MCTP1: variants seen among roughly 807,000 people sequenced by gnomAD.
MCTP1 encodes the protein multiple C2 and transmembrane domain-containing protein 1.
MCTP1 carries 69 observed loss-of-function variants against 120.6 expected under a neutral mutation model. That is an observed-to-expected ratio of 0.57 (90% CI 0.47 to 0.70). The LOEUF (loss-of-function observed/expected upper bound fraction) is 0.70. Among genes scored for constraint, MCTP1 ranks in the 30% least tolerant of loss-of-function variants. The pLI is 0.00. For missense variants in MCTP1, 1,203 were observed against 1,248.8 expected (o/e 0.96, Z 0.55); for synonymous variants, 529 against 493.1 (o/e 1.07, Z -0.96).
At chr5:94,944,589 T>A (rs1355248396) in intron 3 of MCTP1, among the ~76,000 whole-genome samples, 1 of 152,166 alleles carries the variant, frequency 6.6e-6, no homozygotes. Flanking sequence ...GAGCTGTGAA[T>A]CCAGTGAATT....
chr5:94,741,925 G>T (rs1412846991), intron 19 of MCTP1, among the ~76,000 whole-genome samples: 1 of 152,162 alleles, frequency 6.6e-6, no homozygotes. Context: ...ATTTCTTAGG[G>T]TTGTTAGATG....
intron 19 of MCTP1, among the ~76,000 whole-genome samples, chr5:94,733,306 G>A (rs1763483423): frequency 6.6e-6 from 1 of 152,166 alleles, no homozygotes; most frequent in South Asian, 2.1e-4. Context: ...AAAGGTTTGT[G>A]GCTTTAGGCA....
intron 17 of MCTP1, among the ~76,000 whole-genome samples, chr5:94,830,602 T>C (rs1341855286): frequency 6.6e-6 from 1 of 152,206 alleles, no homozygotes; most frequent in Non-Finnish European, 1.5e-5. Flanking sequence ...GCTATATAAC[T>C]GTGGGTTTCT....
Position 94,955,816 on chromosome 5 carries a change from G to A in MCTP1, c.839-2455C>T, listed in dbSNP as rs76794516. On this transcript the variant is annotated intron_variant, in intron 2 of 22. Transcript: ENST00000515393. The stretch of plus-strand genomic sequence containing the variant: ...TTCTCCCTGGGACAGAGCACCTGGG[G>A]GAAGGGGTAGCTGTGGGTACAGCAT... Among the ~76,000 whole-genome samples the A allele has an allele frequency of 5.0e-3, 756 of 152,322 alleles. 7 individuals carry two copies. The highest frequency in any genetic ancestry group is 0.017 in the African/African-American group (703 of 41,566).
intron 19 of MCTP1, among the ~76,000 whole-genome samples, chr5:94,740,237 C>T (rs530568845): frequency 2.0e-5 from 3 of 152,296 alleles, no homozygotes; most frequent in Admixed American, 2.0e-4. Context: ...GCTGCATACT[C>T]TTACAATAAA....
intron 17 of MCTP1, among the ~76,000 whole-genome samples, chr5:94,836,630 G>A (rs1185716136): frequency 1.3e-5 from 2 of 152,194 alleles, no homozygotes; most frequent in African/African-American, 4.8e-5. Flanking sequence ...TTCACAGTCT[G>A]AGCCTTTGTC....
intron 1 of MCTP1, among the ~76,000 whole-genome samples, chr5:95,183,464 C>T (rs1009781271): frequency 6.6e-6 from 1 of 151,418 alleles, no homozygotes; most frequent in African/African-American, 2.4e-5. Flanking sequence ...GAAGGAAAAA[C>T]AATACACTGC....
chr5:95,132,667 C>G (rs939499067), intron 1 of MCTP1, among the ~76,000 whole-genome samples: 40 of 152,206 alleles, frequency 2.6e-4, no homozygotes, highest in Admixed American at 2.2e-3. Context: ...TGTCCCCCCA[C>G]TGTCCCTCCT....
intron 19 of MCTP1, among the ~76,000 whole-genome samples, chr5:94,769,090 T>C (rs949168034): frequency 2.6e-5 from 4 of 152,086 alleles, no homozygotes; most frequent in African/African-American, 7.2e-5. Context: ...CTTGCAGCAA[T>C]GTGGGTGGGA....
At chr5:95,262,456 G>GAGGAAAT (rs1418483959) in intron 1 of MCTP1, among the ~76,000 whole-genome samples, 9 of 152,244 alleles carry the variant, frequency 5.9e-5, no homozygotes, top group Admixed American at 5.9e-4. Context: ...TAGGAAATGT[G>GAGGAAAT]AGGAAATCAG....
intron 20 of MCTP1, among the ~76,000 whole-genome samples, chr5:94,713,864 CAAATTCTATGTATGCCCAAGGATTCA>C (rs1287713343): frequency 2.0e-5 from 3 of 152,120 alleles, no homozygotes; most frequent in Non-Finnish European, 4.4e-5. Context: ...TTACTCCTTT[CAAATTCTATGTATGCCCAAGGATTCA>C]AATCTGTAGA....
At chr5:95,032,449 A>G (rs1250448372) in intron 1 of MCTP1, among the ~76,000 whole-genome samples, 1 of 152,142 alleles carries the variant, frequency 6.6e-6, no homozygotes, top group Non-Finnish European at 1.5e-5. Flanking sequence ...TCAAAACCAT[A>G]CAAGTACACG....
intron 17 of MCTP1, among the ~76,000 whole-genome samples, chr5:94,861,428 T>C (rs1795762204): frequency 1.3e-5 from 2 of 151,866 alleles, no homozygotes; most frequent in Non-Finnish European, 1.5e-5. Flanking sequence ...TCTTAATTTT[T>C]ACCTGATAGA....
At chr5:95,118,458 T>C (rs1246284517) in intron 1 of MCTP1, among the ~76,000 whole-genome samples, 2 of 151,604 alleles carry the variant, frequency 1.3e-5, no homozygotes, top group South Asian at 2.1e-4. Flanking sequence ...CTGAAAGTAA[T>C]ACAGAAAGAA....
intron 11 of MCTP1, among the ~76,000 whole-genome samples, chr5:94,890,932 C>T (rs1280803311): frequency 2.0e-5 from 3 of 152,086 alleles, no homozygotes; most frequent in Non-Finnish European, 2.9e-5. Flanking sequence ...AACCAGAGAA[C>T]GTAACATACT....
At chr5:95,138,702 G>T (rs755840413) in intron 1 of MCTP1, among the ~76,000 whole-genome samples, 1 of 151,968 alleles carries the variant, frequency 6.6e-6, no homozygotes, top group Admixed American at 6.6e-5. Flanking sequence ...TCACTCCACC[G>T]GCTGCTCCCT....
intron 1 of MCTP1, among the ~76,000 whole-genome samples, chr5:95,282,683 T>G (rs2152747775): frequency 6.6e-6 from 1 of 152,356 alleles, no homozygotes; most frequent in Admixed American, 6.5e-5. Flanking sequence ...AATATTTTTC[T>G]GGATCATCAG....
At chr5:94,847,682 GTATA>G (rs373174876) in intron 17 of MCTP1, among the ~76,000 whole-genome samples, 389 of 102,398 alleles carry the variant, frequency 3.8e-3, no homozygotes, top group African/African-American at 0.012. Context: ...GTGTGTGTGT[GTATA>G]TATATATATA....
rs763476729 is a variant in MCTP1, at chr5:94,909,243, G to C, written c.1652+8C>G. The C allele has an allele frequency of 9.3e-6, 15 of 1,611,314 alleles. 1 individual carries two copies. The South Asian group carries it at 1.5e-4, about 17-fold the overall frequency. ...AGGAGTGAACCAAAAATTACAAATT[G>C]CACAAACCTGCCAATGAAATCATCC... On this transcript the variant is annotated splice_region_variant and intron_variant, in intron 10 of 22. Coordinates refer to ENST00000515393, the MANE Select transcript of MCTP1 (RefSeq NM_024717.7).
Sources: gnomAD v4.1 joint callset for allele counts (sites outside exome capture counted in the v4.1 genomes callset) on GRCh38, gnomAD v4.1.1 for gene constraint, MANE v1.5 for transcripts, NCBI Gene and HGNC (gene_info 2026-07-23, HGNC 2026-07-21) for gene names.